The following PAN2 variants were observed in gnomAD, a reference collection of about 807,000 sequenced individuals.
PAN2 encodes poly(A) specific ribonuclease subunit PAN2, also known as PAN2-PAN3 deadenylation complex catalytic subunit PAN2.
Under a neutral mutation model 133.3 loss-of-function variants are expected in PAN2, and 68 were observed. The ratio of observed to expected loss-of-function variants is 0.51; its 90% CI spans 0.42 to 0.62. The LOEUF is 0.62. Among genes scored for constraint, PAN2 ranks in the 20% least tolerant of loss-of-function variants. The probability of loss-of-function intolerance (pLI) is 0.00; values close to 1 mark genes in which losing one functional copy is unlikely to be tolerated. For synonymous variants in PAN2, 462 were observed against 544.6 expected, an observed-to-expected ratio of 0.85 and a Z score of 2.11; for missense variants, 1,042 against 1,500.5, an observed-to-expected ratio of 0.69 and a Z score of 5.05.
chr12:56,332,503 G>A (rs921208137), intron 2 of PAN2, among the ~76,000 whole-genome samples: 5 of 151,370 alleles, frequency 3.3e-5, no homozygotes, highest in Non-Finnish European at 7.4e-5. Context: ...GCTAAAGTGG[G>A]AGGATTGTGT....
At chr12:56,328,139 G>C in intron 4 of PAN2, 67 bp from the exon 5 acceptor site, 1 of 1,606,456 alleles carries the variant, frequency 6.2e-7, no homozygotes, top group Non-Finnish European at 8.5e-7. Context: ...GGAACAGAAA[G>C]GTCACACCCA....
chr12:56,331,005 G>A (rs1453848187), intron 2 of PAN2, among the ~76,000 whole-genome samples: 1 of 151,304 alleles, frequency 6.6e-6, no homozygotes, highest in African/African-American at 2.4e-5. Flanking sequence ...TCACCATGTT[G>A]GCCAGGTTGG....
At chr12:56,328,126 A>C in intron 4 of PAN2, 54 bp from the exon 5 acceptor site, 1 of 1,610,240 alleles carries the variant, frequency 6.2e-7, no homozygotes, top group South Asian at 1.1e-5. Flanking sequence ...CCCACAGACC[A>C]AGGGAACAGA....
chr12:56,319,018 G>A lies in PAN2; in HGVS notation c.3364+70C>T, dbSNP rs1028110004. On this transcript the variant is annotated intron_variant, in intron 24 of 25. Coordinates refer to ENST00000440411, the MANE Select transcript of PAN2 (RefSeq NM_014871.6). The surrounding 1 kb of genome is among the most constrained non-coding windows in gnomAD (Gnocchi z 5.4). Reference sequence around the variant, plus strand: ...CCATCCATGTTGCCGCAAAGAACATGATTTCTTTTTTTTTAAATGGCTGCT... The same window carrying A: ...CCATCCATGTTGCCGCAAAGAACATAATTTCTTTTTTTTTAAATGGCTGCT... 3.4e-6 allele frequency: 5 copies of A among 1,465,770 alleles called. No homozygotes were observed. The African/African-American group carries it at 7.0e-5, about 20-fold the overall frequency. 90.8% of individuals were successfully genotyped at this position (1,465,770 alleles called of 1,614,324 possible).
chr12:56,324,409 C>T lies in PAN2; in HGVS notation c.1813G>A (p.Gly605Ser), dbSNP rs1874890820. Residue 605 changes from glycine (G) to serine (S), a missense_variant, in exon 12 of 26, where the codon GGC becomes AGC. Physicochemically the swap from Gly to Ser is moderately conservative, Grantham distance 56. Around this residue, in one of 3 missense-constraint regions of PAN2, gnomAD observed 908 missense variants for 1,223.5 expected, o/e 0.74. Coordinates refer to ENST00000440411, the MANE Select transcript of PAN2 (RefSeq NM_014871.6). ...ATGAGCCTGGCCAGATTGCCCTTGC[C>T]TGAGGCCTCATCTGAGTCAGCCAGG... ...LILADSDEAS[G>S]KGNLARLIQR... 1.9e-6 allele frequency: 3 copies of T among 1,614,084 alleles called. No individual in the cohort carries two copies. Among genetic ancestry groups the T allele is most frequent in the Non-Finnish European group, 2.5e-6 (3 of 1,180,042 alleles).
chr12:56,324,715 G>A lies in PAN2; in HGVS notation c.1600-6C>T. The A allele has an allele frequency of 6.2e-7, 1 of 1,610,850 alleles. No homozygotes were observed. Among genetic ancestry groups the A allele is most frequent in the Non-Finnish European group, 8.5e-7 (1 of 1,178,942 alleles). On this transcript the variant is annotated splice_region_variant and splice_polypyrimidine_tract_variant and intron_variant, in intron 10 of 25. Coordinates refer to ENST00000440411, the MANE Select transcript of PAN2 (RefSeq NM_014871.6). ...GGCTCCAGGAAATAGAGCACCTGGA[G>A]GGAAAAGCAGAAGAACTGATGTAGG...
chr12:56,317,802 C>T (rs890185384), intron 25 of PAN2, among the ~76,000 whole-genome samples, 159 bp from the exon 26 acceptor site: 4 of 152,186 alleles, frequency 2.6e-5, no homozygotes, highest in African/African-American at 7.2e-5. Context: ...TGGAGAGTTT[C>T]GATAAAATGT....
chr12:56,333,184 A>G lies in PAN2; in HGVS notation c.-90T>C. On this transcript the variant is annotated 5_prime_UTR_variant, in exon 2 of 26. Coordinates refer to ENST00000440411, the MANE Select transcript of PAN2 (RefSeq NM_014871.6). ...CCCAACCTTCAGCAAGACAGCACCGATGGGCCTAGAATGGACATCCTGGCC... is the reference window on the plus strand; with the variant it reads ...CCCAACCTTCAGCAAGACAGCACCGGTGGGCCTAGAATGGACATCCTGGCC... The G allele has an allele frequency of 4.4e-6, 6 of 1,374,808 alleles. No individual in the cohort carries two copies. Among genetic ancestry groups the G allele is most frequent in the Non-Finnish European group, 6.1e-6 (6 of 984,382 alleles). 85.2% of individuals were successfully genotyped at this position (1,374,808 alleles called of 1,614,324 possible).
At chr12:56,330,353 C>T (rs375922224) in intron 2 of PAN2, among the ~76,000 whole-genome samples, 20 of 92,630 alleles carry the variant, frequency 2.2e-4, no homozygotes, top group South Asian at 1.2e-3. Context: ...CTGTATTTTT[C>T]TTTTTTTTTT....
rs756289481 is a variant in PAN2, at chr12:56,319,055, T to C, written c.3364+33A>G. On this transcript the variant is annotated intron_variant, in intron 24 of 25. Transcript: ENST00000440411. This position sits in a 1 kb window ranked among gnomAD's most constrained non-coding sequence, Gnocchi z 5.4. ...TTTAAATGGCTGCTTCTGCTATTAATGTAGCAGGGGCCTACAAGGCAGAGC... is the reference window on the plus strand; with the variant it reads ...TTTAAATGGCTGCTTCTGCTATTAACGTAGCAGGGGCCTACAAGGCAGAGC... 4 of 1,591,094 alleles carry C rather than the reference T, an allele frequency of 2.5e-6. No homozygotes were observed. Among genetic ancestry groups the C allele is most frequent in the African/African-American group, 2.7e-5 (2 of 74,584 alleles).
chr12:56,319,552 T>C lies in PAN2; in HGVS notation c.3091-65A>G. 6.3e-7 allele frequency: 1 copy of C among 1,589,428 alleles called. No homozygotes were observed. The highest frequency in any genetic ancestry group is 1.3e-5 in the African/African-American group (1 of 74,250). On this transcript the variant is annotated intron_variant, in intron 22 of 25. Transcript: ENST00000440411. This position sits in a 1 kb window ranked among gnomAD's most constrained non-coding sequence, Gnocchi z 5.4. ...AGATGGAGTCTTCCCCTATCACTCT[T>C]CCCTGGGTTCTTGAGCACTGTAAGT...
chr12:56,326,207 T>C, intron 8 of PAN2, 106 bp downstream of exon 8: 1 of 1,014,772 alleles, frequency 9.9e-7, no homozygotes. Flanking sequence ...ATCAATTTGG[T>C]TGGTTACCAA....
At chr12:56,328,212 A>G (rs1875341581) in intron 4 of PAN2, 26 bp downstream of exon 4, 3 of 1,588,452 alleles carry the variant, frequency 1.9e-6, no homozygotes, top group Non-Finnish European at 2.6e-6. Context: ...GACCCCACAT[A>G]GGTCTTTCTT....
Position 56,325,117 on chromosome 12 carries a change from T to C in PAN2, c.1491A>G (p.Lys497=), listed in dbSNP as rs1592438766. Residue 497 remains lysine (K), a synonymous_variant, in exon 10 of 26, where the codon AAA becomes AAG. Transcript: ENST00000440411. ...VSKKYRKVTI[K]YSKLGLEDFD... ...AGTCCTCCAGCCCTAGCTTGGAATA[T>C]TTGATGGTCACCTAAGGTAGAAATT... is the stretch of plus-strand genomic sequence containing the variant. 6.2e-7 allele frequency: 1 copy of C among 1,613,966 alleles called. No homozygotes were observed. Among genetic ancestry groups the C allele is most frequent in the Non-Finnish European group, 8.5e-7 (1 of 1,179,922 alleles).
chr12:56,318,870 A>C (rs1874194548), intron 24 of PAN2, among the ~76,000 whole-genome samples: 1 of 152,118 alleles, frequency 6.6e-6, no homozygotes, highest in Non-Finnish European at 1.5e-5. Flanking sequence ...CAACTTTTAG[A>C]GTCCCTAATG....
rs746705011 is a variant in PAN2 at position 56,319,142 on chromosome 12, G to A, written c.3310C>T (p.His1104Tyr). The A allele has an allele frequency of 6.2e-7, 1 of 1,614,152 alleles. No homozygotes were observed. Among genetic ancestry groups the A allele is most frequent in the South Asian group, 1.1e-5 (1 of 91,082 alleles). Residue 1104 changes from histidine to tyrosine, a missense_variant, in exon 24 of 26, where the codon CAT becomes TAT. Physicochemically the swap from His to Tyr is moderately conservative, Grantham distance 83. Coordinates refer to ENST00000440411, the MANE Select transcript of PAN2 (RefSeq NM_014871.6). The surrounding 1 kb of genome is among the most constrained non-coding windows in gnomAD (Gnocchi z 5.4). ...GAAATCATTCGTTTTCGGGGCATATGGAACAGGTAGACAGTGTCAAGGACT... is the reference window on the plus strand; with the variant it reads ...GAAATCATTCGTTTTCGGGGCATATAGAACAGGTAGACAGTGTCAAGGACT... ...DQVLDTVYLF[H>Y]MPRKRMISLR...
Position 56,328,556 on chromosome 12 carries a change from T to A in PAN2, c.368A>T (p.Gln123Leu), listed in dbSNP as rs771927523. The A allele has an allele frequency of 6.8e-6, 11 of 1,614,140 alleles. No individual in the cohort carries two copies. The highest frequency in any genetic ancestry group is 9.3e-6 in the Non-Finnish European group (11 of 1,180,032). Residue 123 changes from glutamine to leucine, a missense_variant, in exon 3 of 26, where the codon CAG becomes CTG. This residue lies in a region of PAN2 where 908 missense variants were observed against 1,223.5 expected (regional missense o/e 0.74). Transcript: ENST00000440411. ...VNGSDDIRQI[Q>L]SLENGILFLT... Reference sequence around the variant, plus strand: ...AAAAAGGATACCATTCTCCAGGCTCTGGATCTGCCGAATATCATCACTGCC... The same window carrying A: ...AAAAAGGATACCATTCTCCAGGCTCAGGATCTGCCGAATATCATCACTGCC...
At position 56,323,606 on chromosome 12, in the gene PAN2, G is replaced by T. The variant is rs759199169; in HGVS notation, c.2173-8C>A. Reference sequence around the variant, plus strand: ...GATGTTGCGGGTCTGAATCTGAGAGGAAGAAACAAACAAGGAATGGCAGGG... The same window carrying T: ...GATGTTGCGGGTCTGAATCTGAGAGTAAGAAACAAACAAGGAATGGCAGGG... On this transcript the variant is annotated splice_polypyrimidine_tract_variant and splice_region_variant and intron_variant, in intron 14 of 25. Coordinates refer to ENST00000440411, the MANE Select transcript of PAN2 (RefSeq NM_014871.6). 2 of 1,611,948 alleles carry T rather than the reference G, an allele frequency of 1.2e-6. No individual in the cohort carries two copies. The highest frequency in any genetic ancestry group is 2.2e-5 in the South Asian group (2 of 91,040).
chr12:56,321,646 C>T (rs1191954417), intron 20 of PAN2, among the ~76,000 whole-genome samples: 1 of 150,774 alleles, frequency 6.6e-6, no homozygotes, highest in Non-Finnish European at 1.5e-5. Flanking sequence ...GTCAGGAGTT[C>T]GAGGCCAGCC....
Sources: gnomAD v4.1 joint callset for allele counts (sites outside exome capture counted in the v4.1 genomes callset) on GRCh38, gnomAD v4.1.1 for gene constraint, gnomAD v4.1.1 regional missense constraint, Gnocchi (gnomAD v3.1) non-coding constraint, MANE v1.5 for transcripts, NCBI Gene and HGNC (gene_info 2026-07-23, HGNC 2026-07-21) for gene names.